Variants in CDYL observed in about 807,000 individuals in gnomAD.
CDYL encodes chromodomain Y-like protein.
A neutral mutation model predicts 47.3 loss-of-function variants in CDYL; 8 were observed. The observed-to-expected ratio is 0.17, with a 90% CI of 0.10 to 0.31. The LOEUF (loss-of-function observed/expected upper bound fraction) is 0.31. Among genes scored for constraint, CDYL ranks in the 10% least tolerant of loss-of-function variants. The pLI is 1.00. For missense variants in CDYL, 471 were observed against 701.4 expected, an observed-to-expected ratio of 0.67 and a Z score of 3.71; for synonymous variants, 266 against 265.0, an observed-to-expected ratio of 1.00 and a Z score of -0.04.
At chr6:4,899,109 C>A (rs780617979) in intron 2 of CDYL, among the ~76,000 whole-genome samples, 2 of 152,166 alleles carry the variant, frequency 1.3e-5, no homozygotes, top group Non-Finnish European at 2.9e-5. Flanking sequence ...TAGTCTAGAG[C>A]CTTTCCAAAT....
intron 6 of CDYL, 115 bp from the exon 7 acceptor site, chr6:4,953,783 C>T (rs1273252337): frequency 5.1e-6 from 5 of 986,086 alleles, no homozygotes; most frequent in Non-Finnish European, 5.9e-6. Context: ...GTCTGGTAAC[C>T]TTTTTAACAG....
intron 3 of CDYL, among the ~76,000 whole-genome samples, chr6:4,936,469 T>G (rs1225192935): frequency 1.3e-5 from 2 of 152,190 alleles, no homozygotes; most frequent in African/African-American, 4.8e-5. Context: ...CAAGAAAACT[T>G]AACTACAGAA....
At chr6:4,935,250 A>G (rs957807155) in intron 2 of CDYL, among the ~76,000 whole-genome samples, 3 of 152,178 alleles carry the variant, frequency 2.0e-5, no homozygotes, top group South Asian at 4.1e-4. Flanking sequence ...ATCTCTAACT[A>G]TGTAGCTTCC....
chr6:4,748,548 C>T (rs62384833), intron 3 of CDYL, among the ~76,000 whole-genome samples: 26 of 151,514 alleles, frequency 1.7e-4, no homozygotes, highest in Non-Finnish European at 2.8e-4. Flanking sequence ...CAGGGAAGTT[C>T]GGGAAGCCAA....
intron 2 of CDYL, among the ~76,000 whole-genome samples, chr6:4,904,200 A>G (rs1214286581): frequency 1.3e-5 from 2 of 152,234 alleles, no homozygotes; most frequent in Admixed American, 6.5e-5. Flanking sequence ...TGTTAAGAAG[A>G]TTATACTAAA....
chr6:4,805,916 C>A (rs1277750073), intron 1 of CDYL, among the ~76,000 whole-genome samples: 1 of 152,226 alleles, frequency 6.6e-6, no homozygotes, highest in African/African-American at 2.4e-5. Flanking sequence ...ATCTGGGCAT[C>A]CCTTCAGCAG....
chr6:4,791,202 A>G lies in CDYL; in HGVS notation c.24+14395A>G, dbSNP rs116774630. On this transcript the variant is annotated intron_variant, in intron 1 of 6. Transcript: ENST00000397588. ...TCATATGATCTTTGTCATCAATACC[A>G]CTGTTCACTGTATAACCGATTCCAT... Among the ~76,000 whole-genome samples, 1,298 of 152,274 alleles carry G rather than the reference A, an allele frequency of 8.5e-3. 21 individuals are homozygous for G. The highest frequency in any genetic ancestry group is 0.03 in the African/African-American group (1,247 of 41,540).
chr6:4,916,775 A>G (rs1199538168), intron 2 of CDYL, among the ~76,000 whole-genome samples: 1 of 152,156 alleles, frequency 6.6e-6, no homozygotes, highest in Admixed American at 6.5e-5. Flanking sequence ...ATAAAATCAC[A>G]TATTTCCATT....
At chr6:4,782,685 T>G (rs1387121375) in intron 1 of CDYL, among the ~76,000 whole-genome samples, 1 of 152,128 alleles carries the variant, frequency 6.6e-6, no homozygotes, top group Non-Finnish European at 1.5e-5. Flanking sequence ...ATGAGCATAT[T>G]TCAGAGGGAG....
At chr6:4,778,954 G>A (rs141538457) in intron 1 of CDYL, among the ~76,000 whole-genome samples, 7 of 152,162 alleles carry the variant, frequency 4.6e-5, no homozygotes, top group Admixed American at 4.6e-4. Context: ...GTGAAATTGG[G>A]ATCAGTGTTT....
intron 1 of CDYL, among the ~76,000 whole-genome samples, chr6:4,710,718 C>T (rs1757136541): frequency 6.6e-6 from 1 of 152,128 alleles, no homozygotes; most frequent in Non-Finnish European, 1.5e-5. Context: ...CTCCTTGTAC[C>T]TGGATGTTTC....
chr6:4,715,686 TG>T (rs1757242886), intron 1 of CDYL: 5 of 1,512,438 alleles, frequency 3.3e-6, no homozygotes, highest in Non-Finnish European at 4.5e-6. Flanking sequence ...CCATGAGCCT[TG>T]GGTTTTTTCC....
At chr6:4,920,218 G>A (rs1234168931) in intron 2 of CDYL, among the ~76,000 whole-genome samples, 2 of 152,126 alleles carry the variant, frequency 1.3e-5, no homozygotes, top group Non-Finnish European at 2.9e-5. Flanking sequence ...TGGAGTCTGG[G>A]GAGACGAAAA....
intron 1 of CDYL, among the ~76,000 whole-genome samples, chr6:4,819,404 T>G (rs1047831437): frequency 1.3e-5 from 2 of 152,162 alleles, no homozygotes; most frequent in African/African-American, 4.8e-5. Context: ...GACAGGTGGC[T>G]GAGGGGTTTG....
chr6:4,877,848 T>C (rs974188289), intron 1 of CDYL, among the ~76,000 whole-genome samples: 3 of 152,224 alleles, frequency 2.0e-5, no homozygotes, highest in African/African-American at 7.2e-5. Context: ...AAAATCATCT[T>C]GTTGGTTTCC....
At chr6:4,949,886 C>T (rs918037466) in intron 5 of CDYL, among the ~76,000 whole-genome samples, 6 of 152,338 alleles carry the variant, frequency 3.9e-5, no homozygotes, top group African/African-American at 1.4e-4. Flanking sequence ...AACAACCTAG[C>T]GTGAGCCCTG....
At chr6:4,923,615 A>T (rs553665804) in intron 2 of CDYL, among the ~76,000 whole-genome samples, 1 of 152,194 alleles carries the variant, frequency 6.6e-6, no homozygotes, top group East Asian at 1.9e-4. Flanking sequence ...CATATGGTAG[A>T]TTTATTTTTG....
intron 2 of CDYL, among the ~76,000 whole-genome samples, chr6:4,732,208 G>A (rs1757617345): frequency 6.6e-6 from 1 of 152,042 alleles, no homozygotes; most frequent in Non-Finnish European, 1.5e-5. Context: ...GATGGTGCAT[G>A]CTTGTAGTTC....
chr6:4,861,449 C>T (rs1043271816), intron 1 of CDYL, among the ~76,000 whole-genome samples: 3 of 152,204 alleles, frequency 2.0e-5, no homozygotes, highest in Non-Finnish European at 4.4e-5. Context: ...CATGTTTGAG[C>T]TCCACTTCCC....
Sources: gnomAD v4.1 joint callset for allele counts (sites outside exome capture counted in the v4.1 genomes callset) on GRCh38, gnomAD v4.1.1 for gene constraint, MANE v1.5 for transcripts, NCBI Gene and HGNC (gene_info 2026-07-23, HGNC 2026-07-21) for gene names.